PRKN: variants seen among roughly 807,000 people sequenced by gnomAD.
The protein encoded by PRKN is E3 ubiquitin-protein ligase parkin.
PRKN carries 56 observed loss-of-function variants against 59.5 expected under a neutral mutation model. The observed-to-expected ratio is 0.94, with a 90% CI of 0.76 to 1.18. PRKN has a LOEUF of 1.18. Among genes scored for constraint, PRKN ranks in the 50% most tolerant of loss-of-function variants. The pLI, the probability that PRKN is intolerant of heterozygous loss-of-function variation, is 0.00. For synonymous variants in PRKN, 250 were observed against 222.1 expected (o/e 1.13, Z -1.12); for missense variants, 657 against 596.4 (o/e 1.10, Z -1.06).
At chr6:161,852,027 C>A (rs1793458016) in intron 6 of PRKN, among the ~76,000 whole-genome samples, 1 of 148,420 alleles carries the variant, frequency 6.7e-6, no homozygotes, top group Non-Finnish European at 1.5e-5. Flanking sequence ...ACAGAGGTTG[C>A]AGTGAGCTGA....
At chr6:162,371,472 C>G (rs1399736077) in intron 2 of PRKN, among the ~76,000 whole-genome samples, 2 of 152,118 alleles carry the variant, frequency 1.3e-5, no homozygotes, top group East Asian at 3.9e-4. Flanking sequence ...TCAAACCCGG[C>G]TTTCTCACTT....
intron 9 of PRKN, among the ~76,000 whole-genome samples, chr6:161,438,931 T>C (rs1292089058): frequency 6.6e-6 from 1 of 151,960 alleles, no homozygotes; most frequent in Non-Finnish European, 1.5e-5. Context: ...GTAGGGGTTG[T>C]ATGTTCTCAG....
In PRKN at chr6:162,366,371, G is replaced by A. The variant is rs187027501; in HGVS notation, c.171+76939C>T. On this transcript the variant is annotated intron_variant, in intron 2 of 11. Transcript: ENST00000366898. ...TTTCTTAGATCTTATATCCAAATGG[G>A]ATTTATTATTATATGTGGCATAATA... Among the ~76,000 whole-genome samples the A allele has an allele frequency of 2.9e-3, 445 of 151,980 alleles. 3 individuals carry two copies. The highest frequency in any genetic ancestry group is 0.01 in the African/African-American group (431 of 41,458).
chr6:162,338,407 C>G (rs1783951183), intron 2 of PRKN, among the ~76,000 whole-genome samples: 2 of 151,880 alleles, frequency 1.3e-5, no homozygotes, highest in Admixed American at 1.3e-4. Flanking sequence ...CTACTGCAGG[C>G]ACGCGCCGCC....
At chr6:162,268,948 T>C (rs1007859504) in intron 2 of PRKN, among the ~76,000 whole-genome samples, 2 of 152,080 alleles carry the variant, frequency 1.3e-5, no homozygotes, top group Admixed American at 6.5e-5. Context: ...CGGGGCTGTA[T>C]AGGAGGTAGC....
intron 9 of PRKN, among the ~76,000 whole-genome samples, chr6:161,537,987 C>G (rs890489944): frequency 2.0e-5 from 3 of 152,148 alleles, no homozygotes; most frequent in Non-Finnish European, 2.9e-5. Flanking sequence ...GAACTCTGGT[C>G]AATAACCAAC....
chr6:161,652,767 A>T (rs1309182601), intron 7 of PRKN, among the ~76,000 whole-genome samples: 1 of 152,230 alleles, frequency 6.6e-6, no homozygotes, highest in African/African-American at 2.4e-5. Context: ...ATTGCATGCT[A>T]GAATACAACC....
chr6:162,003,518 T>C (rs767247040), intron 5 of PRKN, among the ~76,000 whole-genome samples: 2 of 152,164 alleles, frequency 1.3e-5, no homozygotes, highest in South Asian at 4.1e-4. Context: ...GGTAGACATA[T>C]ACCCTTGGCT....
chr6:161,842,500 G>A (rs1023241524), intron 6 of PRKN, among the ~76,000 whole-genome samples: 1 of 151,322 alleles, frequency 6.6e-6, no homozygotes. Flanking sequence ...GGGCAAGAGA[G>A]ACATGTCCTT....
chr6:162,106,806 T>G (rs1475969948), intron 4 of PRKN, among the ~76,000 whole-genome samples: 1 of 152,188 alleles, frequency 6.6e-6, no homozygotes, highest in Non-Finnish European at 1.5e-5. Context: ...CCTGTGTTAC[T>G]CAGGACACAA....
intron 2 of PRKN, among the ~76,000 whole-genome samples, chr6:162,389,149 T>C (rs778087775): frequency 6.6e-6 from 1 of 152,126 alleles, no homozygotes; most frequent in Non-Finnish European, 1.5e-5. Context: ...GCAGGCTAGT[T>C]TGTGTTCTCC....
At chr6:162,469,465 T>C (rs1791613058) in intron 1 of PRKN, among the ~76,000 whole-genome samples, 2 of 151,034 alleles carry the variant, frequency 1.3e-5, no homozygotes, top group East Asian at 2.0e-4. Context: ...TGCCCATCAA[T>C]CAATGAGTGG....
intron 7 of PRKN, among the ~76,000 whole-genome samples, chr6:161,765,217 G>T (rs184800685): frequency 6.6e-6 from 1 of 152,284 alleles, no homozygotes; most frequent in Admixed American, 6.5e-5. Flanking sequence ...CGTGGATCAT[G>T]AAACACAGAA....
intron 2 of PRKN, among the ~76,000 whole-genome samples, chr6:162,356,257 C>T (rs1026338142): frequency 6.6e-6 from 1 of 152,110 alleles, no homozygotes; most frequent in African/African-American, 2.4e-5. Flanking sequence ...CAGCTTTAAT[C>T]TTCTCTAACT....
chr6:161,678,216 C>CTTTTTTTTTTTTTT lies in PRKN; in HGVS notation c.871+107542_871+107555dup, dbSNP rs3066554. Reference sequence around the variant, plus strand: ...TTATGGTAATAACAATACTGAATCACTTTTTTTTTTTTTTTTTTTTTTTTT... The same window carrying CTTTTTTTTTTTTTT: ...TTATGGTAATAACAATACTGAATCACTTTTTTTTTTTTTTTTTTTTTTTTTTTTTTTTTTTTTTT... On this transcript the variant is annotated intron_variant, in intron 7 of 11. Transcript: ENST00000366898. Among the ~76,000 whole-genome samples the CTTTTTTTTTTTTTT allele has an allele frequency of 1.2e-4, 8 of 64,948 alleles. 1 individual carries two copies. Among genetic ancestry groups the CTTTTTTTTTTTTTT allele is most frequent in the African/African-American group, 4.7e-4 (6 of 12,690 alleles). 42.6% of individuals were successfully genotyped at this position (64,948 alleles called of 152,430 possible). A position where few individuals can be genotyped will look rare whatever the true frequency, so the allele number is the denominator to read the frequency against.
At chr6:161,996,626 C>T (rs1417658435) in intron 5 of PRKN, among the ~76,000 whole-genome samples, 1 of 152,054 alleles carries the variant, frequency 6.6e-6, no homozygotes, top group Non-Finnish European at 1.5e-5. Context: ...TGAAGAATAG[C>T]AGACTCTCTA....
At chr6:161,689,384 A>G (rs1785691389) in intron 7 of PRKN, among the ~76,000 whole-genome samples, 1 of 152,178 alleles carries the variant, frequency 6.6e-6, no homozygotes, top group Non-Finnish European at 1.5e-5. Flanking sequence ...TAACACACAC[A>G]ATTTTGCCTT....
intron 2 of PRKN, among the ~76,000 whole-genome samples, chr6:162,404,353 G>C (rs1787953921): frequency 6.7e-6 from 1 of 149,146 alleles, no homozygotes; most frequent in Non-Finnish European, 1.5e-5. Context: ...CTGGGCGACA[G>C]AGTGAGACTC....
rs556225436 is a variant in PRKN, at chr6:162,083,146, G to T, written c.535-28972C>A. 1.0e-3 allele frequency among the ~76,000 whole-genome samples: 157 copies of T among 151,910 alleles called. 1 individual carries two copies. The highest frequency in any genetic ancestry group is 3.6e-3 in the African/African-American group (148 of 41,328). On this transcript the variant is annotated intron_variant, in intron 4 of 11. Transcript: ENST00000366898. The stretch of plus-strand genomic sequence containing the variant: ...GTTTTGGGACTTTTAATAGAGACGG[G>T]GTTTTTCCATATTGGCCAGGCTGGT...
Sources: allele counts gnomAD v4.1 joint callset (sites outside exome capture counted in the v4.1 genomes callset), GRCh38; gene constraint gnomAD v4.1.1; transcripts MANE v1.5; gene names NCBI Gene and HGNC (gene_info 2026-07-23, HGNC 2026-07-21).